The following AFG3L2 variants were observed in gnomAD, a reference collection of about 807,000 sequenced individuals.
AFG3L2 encodes AFG3 like matrix AAA peptidase subunit 2.
AFG3L2 carries 54 observed loss-of-function variants against 94.5 expected under a neutral mutation model. The ratio of observed to expected loss-of-function variants is 0.57; its 90% CI spans 0.46 to 0.72. The LOEUF is 0.72. Ranked by LOEUF, AFG3L2 falls within the 30% of genes least tolerant of loss-of-function variation. The pLI is 0.00. For synonymous variants in AFG3L2, 377 were observed against 365.5 expected, an observed-to-expected ratio of 1.03 and a Z score of -0.36; for missense variants, 754 against 994.9, an observed-to-expected ratio of 0.76 and a Z score of 3.26.
chr18:12,350,954 A>G lies in AFG3L2; in HGVS notation c.1552+131T>C, dbSNP rs1376363784. 7.1e-6 allele frequency: 9 copies of G among 1,275,494 alleles called. No homozygotes were observed. In the Admixed American group the frequency reaches 1.8e-4, roughly 26 times the overall value. The allele number at this position is 1,275,494 out of a possible 1,614,324, so 79.0% of individuals were successfully genotyped here. On this transcript the variant is annotated intron_variant, in intron 12 of 16. Coordinates refer to ENST00000269143, the MANE Select transcript of AFG3L2 (RefSeq NM_006796.3). ...TAAGTGAGACCCTGTCTCAAAAAAA[A>G]TAAAAATGAGAATATAAACTTAGGA...
chr18:12,342,434 G>C (rs1907983061), intron 14 of AFG3L2: 1 of 152,138 alleles, frequency 6.6e-6, no homozygotes, highest in African/African-American at 2.4e-5. Flanking sequence ...GTTCTTTACA[G>C]GTTCTAGAAA....
rs1258399102 is a variant in AFG3L2, at chr18:12,377,054, C to T, written c.29G>A (p.Gly10Asp). 4 of 1,435,726 alleles carry T rather than the reference C, an allele frequency of 2.8e-6. No homozygotes were observed. The highest frequency in any genetic ancestry group is 3.6e-6 in the Non-Finnish European group (4 of 1,095,924). The allele number at this position is 1,435,726 out of a possible 1,614,324, so 88.9% of individuals were successfully genotyped here. ...GCCGCGGGGCCAGCAGCCGCCCCGG[C>T]CCCACAGCCGCAAACAGCGGTGCGC... is the stretch of plus-strand genomic sequence containing the variant. MAHRCLRLW[G>D]RGGCWPRGLQ... Residue 10 changes from glycine (G) to aspartate (D), a missense_variant, in exon 1 of 17, where the codon GGC (glycine) becomes GAC (aspartate). By Grantham distance (94) the Gly-to-Asp change is moderately conservative. Around this residue, in one of 4 missense-constraint regions of AFG3L2, gnomAD observed 236 missense variants for 214.0 expected, o/e 1.10. Transcript: ENST00000269143.
intron 1 of AFG3L2, among the ~76,000 whole-genome samples, chr18:12,373,660 G>A (rs949858050): frequency 6.6e-6 from 1 of 152,128 alleles, no homozygotes; most frequent in Non-Finnish European, 1.5e-5. Flanking sequence ...TGAGAAACAG[G>A]GTGCTGGGCT....
chr18:12,355,482 A>C (rs1908464082), intron 9 of AFG3L2, among the ~76,000 whole-genome samples: 1 of 152,184 alleles, frequency 6.6e-6, no homozygotes, highest in Non-Finnish European at 1.5e-5. Context: ...GTAGGGATGG[A>C]AAATGGGCAA....
At chr18:12,367,775 C>T (rs913864935) in intron 3 of AFG3L2, among the ~76,000 whole-genome samples, 5 of 152,150 alleles carry the variant, frequency 3.3e-5, no homozygotes, top group African/African-American at 4.8e-5. Context: ...GTTCTGGCCA[C>T]GCACGGTGGC....
chr18:12,375,459 G>T (rs185180070), intron 1 of AFG3L2, among the ~76,000 whole-genome samples: 1 of 152,122 alleles, frequency 6.6e-6, no homozygotes, highest in Admixed American at 6.5e-5. Flanking sequence ...TGTGGCTCAG[G>T]TCTGTAATTC....
chr18:12,374,274 G>A (rs1247723588), intron 1 of AFG3L2, among the ~76,000 whole-genome samples: 6 of 152,204 alleles, frequency 3.9e-5, no homozygotes, highest in African/African-American at 1.2e-4. Context: ...AATTTAAGTT[G>A]AGAGCACCGC....
At chr18:12,348,981 A>T (rs1373999113) in intron 12 of AFG3L2, among the ~76,000 whole-genome samples, 2 of 152,266 alleles carry the variant, frequency 1.3e-5, no homozygotes, top group Non-Finnish European at 2.9e-5. Context: ...GTCCAAAGAC[A>T]AGTAAAAAGT....
At chr18:12,366,382 T>C (rs930093710) in intron 5 of AFG3L2, among the ~76,000 whole-genome samples, 1 of 152,218 alleles carries the variant, frequency 6.6e-6, no homozygotes, top group East Asian at 1.9e-4. Flanking sequence ...GTGGTGAATA[T>C]AGTCACACAT....
intron 12 of AFG3L2, 108 bp from the exon 13 acceptor site, chr18:12,348,491 T>A: frequency 1.2e-6 from 1 of 820,924 alleles, no homozygotes; most frequent in Non-Finnish European, 2.1e-6. Context: ...AGCAGTACAA[T>A]GAATAAAGGT....
intron 9 of AFG3L2, 22 bp downstream of exon 9, chr18:12,356,672 A>G (rs1285538717): frequency 1.2e-6 from 2 of 1,613,974 alleles, no homozygotes; most frequent in East Asian, 4.5e-5. Flanking sequence ...AAGCTGTACC[A>G]TCCGAACAGA....
In AFG3L2 at chr18:12,329,282, G is replaced by C; in HGVS notation, c.*283C>G. 1 of 698,044 alleles carries C rather than the reference G, an allele frequency of 1.4e-6. No homozygotes were observed. The highest frequency in any genetic ancestry group is 2.6e-6 in the Non-Finnish European group (1 of 382,884). 43.2% of individuals were successfully genotyped at this position (698,044 alleles called of 1,614,324 possible). A position where few individuals can be genotyped will look rare whatever the true frequency, so the allele number is the denominator to read the frequency against. On this transcript the variant is annotated 3_prime_UTR_variant, in exon 17 of 17. Transcript: ENST00000269143. Reference sequence around the variant, plus strand: ...CAGCCGACCCCACTTGGTGCCACAGGGTCCAGCCTCGGCCACTCTGGGCTC... The same window carrying C: ...CAGCCGACCCCACTTGGTGCCACAGCGTCCAGCCTCGGCCACTCTGGGCTC...
At chr18:12,333,738 C>A (rs1907658533) in intron 16 of AFG3L2, among the ~76,000 whole-genome samples, 1 of 152,138 alleles carries the variant, frequency 6.6e-6, no homozygotes, top group Non-Finnish European at 1.5e-5. Flanking sequence ...CATGCTGAAT[C>A]TTCAGTAACC....
rs540391344 is a variant in AFG3L2, at chr18:12,344,080, G to A, written c.1779+52C>T. On this transcript the variant is annotated intron_variant, in intron 14 of 16. Transcript: ENST00000269143. ...AGCTTGCTTCTTGAGTGACTGCAGC[G>A]AGCATCTGCTCACCCATGCACTGGC... 44 of 1,456,274 alleles carry A rather than the reference G, an allele frequency of 3.0e-5. No individual in the cohort carries two copies. In the East Asian group the frequency reaches 4.3e-4, roughly 14 times the overall value. The allele number at this position is 1,456,274 out of a possible 1,614,324, so 90.2% of individuals were successfully genotyped here.
chr18:12,343,204 TAATGA>T (rs1908010380), intron 14 of AFG3L2: 1 of 152,258 alleles, frequency 6.6e-6, no homozygotes, highest in African/African-American at 2.4e-5. Flanking sequence ...CTGAAATTGC[TAATGA>T]AATTGAATTT....
At chr18:12,372,175 G>A (rs1435523257) in intron 1 of AFG3L2, among the ~76,000 whole-genome samples, 2 of 152,092 alleles carry the variant, frequency 1.3e-5, no homozygotes, top group East Asian at 1.9e-4. Context: ...ACAGTGGCAG[G>A]TGCCTGTAAT....
intron 13 of AFG3L2, among the ~76,000 whole-genome samples, chr18:12,347,374 G>A (rs1385615077): frequency 1.3e-5 from 2 of 152,174 alleles, no homozygotes; most frequent in African/African-American, 4.8e-5. Flanking sequence ...TCTGCCTGGT[G>A]CAGGGCTTCC....
rs141651258 is a variant in AFG3L2 at position 12,375,042 on chromosome 18, C to T, written c.114+1927G>A. On this transcript the variant is annotated intron_variant, in intron 1 of 16. Coordinates refer to ENST00000269143, the MANE Select transcript of AFG3L2 (RefSeq NM_006796.3). ...CTGCACTCCAGTCTGGGCGACAGAG[C>T]GAGACCCTGTCTCAAAAAAAAAAAA... is the stretch of plus-strand genomic sequence containing the variant. Among the ~76,000 whole-genome samples the T allele has an allele frequency of 1.2e-3, 168 of 138,246 alleles. 4 individuals are homozygous for T. The East Asian group carries it at 0.033, about 27-fold the overall frequency. The allele number at this position is 138,246 out of a possible 152,430, so 90.7% of individuals were successfully genotyped here. A position where few individuals can be genotyped will look rare whatever the true frequency, so the allele number is the denominator to read the frequency against.
intron 15 of AFG3L2, among the ~76,000 whole-genome samples, chr18:12,339,457 C>A (rs1907867421): frequency 6.7e-6 from 1 of 149,926 alleles, no homozygotes; most frequent in African/African-American, 2.5e-5. Context: ...GAGGCTGAGG[C>A]AGGAGAATTG....
Sources: gnomAD v4.1 joint callset for allele counts (sites outside exome capture counted in the v4.1 genomes callset) on GRCh38, gnomAD v4.1.1 for gene constraint, gnomAD v4.1.1 regional missense constraint, MANE v1.5 for transcripts, NCBI Gene and HGNC (gene_info 2026-07-23, HGNC 2026-07-21) for gene names.